Variants in MTOR observed in about 807,000 individuals in gnomAD.
The protein encoded by MTOR is mechanistic target of rapamycin kinase, also known as serine/threonine-protein kinase mTOR.
In MTOR, 70 loss-of-function variants were observed where a neutral mutation model predicts 319.8. That is an observed-to-expected ratio of 0.22 (90% CI 0.18 to 0.27). MTOR has a LOEUF of 0.27. Ranked by LOEUF, MTOR falls within the 10% of genes least tolerant of loss-of-function variation. MTOR has a pLI of 1.00. For missense variants in MTOR, 1,890 were observed against 3,274.4 expected (o/e 0.58, Z 10.32); for synonymous variants, 1,183 against 1,211.4 (o/e 0.98, Z 0.49).
chr1:11,112,533 T>C (rs1016742303), intron 54 of MTOR, among the ~76,000 whole-genome samples: 2 of 152,216 alleles, frequency 1.3e-5, no homozygotes, highest in African/African-American at 4.8e-5. Context: ...TGCAAAACTA[T>C]CACTGTCAAG....
intron 1 of MTOR, among the ~76,000 whole-genome samples, chr1:11,260,181 A>C (rs1389263989): frequency 6.6e-6 from 1 of 152,184 alleles, no homozygotes; most frequent in African/African-American, 2.4e-5. Context: ...ATTAAAAATG[A>C]CTAAGACTGC....
chr1:11,183,776 A>G (rs7540001), intron 28 of MTOR, among the ~76,000 whole-genome samples: 4,237 of 152,210 alleles, frequency 0.028, 173 homozygotes, highest in African/African-American at 0.095. Context: ...GGTGTGAGGT[A>G]ACGATCAACA....
intron 28 of MTOR, among the ~76,000 whole-genome samples, chr1:11,168,922 C>A (rs575593267): frequency 6.6e-6 from 1 of 152,052 alleles, no homozygotes; most frequent in Non-Finnish European, 1.5e-5. Context: ...GAGAAATCCA[C>A]AAGACCACAA....
At chr1:11,153,125 A>AT (rs1644203486) in intron 30 of MTOR, among the ~76,000 whole-genome samples, 1 of 152,198 alleles carries the variant, frequency 6.6e-6, no homozygotes, top group African/African-American at 2.4e-5. Flanking sequence ...AATGTATCCA[A>AT]TCTGCTCCTA....
At chr1:11,181,028 G>A (rs912121960) in intron 28 of MTOR, among the ~76,000 whole-genome samples, 2 of 152,162 alleles carry the variant, frequency 1.3e-5, no homozygotes, top group Admixed American at 1.3e-4. Flanking sequence ...GCCCGTCTTG[G>A]CCTCCCAAAG....
intron 26 of MTOR, 92 bp downstream of exon 26, chr1:11,204,469 C>G (rs2100764296): frequency 7.0e-7 from 1 of 1,435,264 alleles, no homozygotes; most frequent in Non-Finnish European, 9.3e-7. Context: ...ATTAAAAATA[C>G]CAGCCCCTTG....
chr1:11,142,739 C>T (rs1281618143), intron 34 of MTOR, among the ~76,000 whole-genome samples: 1 of 152,180 alleles, frequency 6.6e-6, no homozygotes, highest in Non-Finnish European at 1.5e-5. Context: ...CGACAATGAT[C>T]TCAGGCTTTT....
intron 9 of MTOR, among the ~76,000 whole-genome samples, chr1:11,242,500 C>CAAAAAAAAAAA (rs70977555): frequency 4.6e-4 from 24 of 52,620 alleles, no homozygotes; most frequent in African/African-American, 8.6e-4. Flanking sequence ...GACTCCATCT[C>CAAAAAAAAAAA]AAAAAAAAAA....
rs1180400310 is a variant in MTOR, at chr1:11,112,845, C to T, written c.7366+7G>A. 2 of 1,614,170 alleles carry T rather than the reference C, an allele frequency of 1.2e-6. No homozygotes were observed. Among genetic ancestry groups the T allele is most frequent in the South Asian group, 2.2e-5 (2 of 91,084 alleles). On this transcript the variant is annotated splice_region_variant and intron_variant, in intron 54 of 57. Transcript: ENST00000361445. ...GAGCCTTTGCGACCTCCCGTGGATG[C>T]ACCTACCGACTGACTGGCCAGCAGA...
chr1:11,144,110 C>A (rs1643839762), intron 34 of MTOR: 2 of 152,996 alleles, frequency 1.3e-5, no homozygotes, highest in African/African-American at 4.8e-5. Flanking sequence ...CTATAAATAG[C>A]AGGAGTTGGC....
At chr1:11,178,800 G>A (rs1274323595) in intron 28 of MTOR, among the ~76,000 whole-genome samples, 1 of 152,200 alleles carries the variant, frequency 6.6e-6, no homozygotes, top group East Asian at 1.9e-4. Context: ...GATATTTTGG[G>A]TAAAGTCCTG....
At position 11,189,808 on chromosome 1, in the gene MTOR, G is replaced by A. The variant is rs775409689; in HGVS notation, c.4253+9450C>T. 6.2e-6 allele frequency: 10 copies of A among 1,614,094 alleles called. No individual in the cohort carries two copies. In the East Asian group the frequency reaches 6.7e-5, roughly 11 times the overall value. ...GAAGCAGGAGAGGGACTGGGTCAGC[G>A]TGGTCATGCAGGTGATGGAGCTGGA... On this transcript the variant is annotated intron_variant, in intron 28 of 57. Transcript: ENST00000361445.
At chr1:11,160,142 T>C (rs1571027399) in intron 29 of MTOR, among the ~76,000 whole-genome samples, 1 of 151,320 alleles carries the variant, frequency 6.6e-6, no homozygotes, top group African/African-American at 2.4e-5. Flanking sequence ...CTCTTGTTGC[T>C]CAGGCTGGAG....
Position 11,237,974 on chromosome 1 carries a change from A to C in MTOR, c.2077T>G (p.Leu693Val). The C allele has an allele frequency of 6.2e-7, 1 of 1,614,212 alleles. No homozygotes were observed. The highest frequency in any genetic ancestry group is 2.2e-5 in the East Asian group (1 of 44,880). ...FDAHLAQAEN[L>V]QALFVALNDQ... The stretch of plus-strand genomic sequence containing the variant: ...TTCAGAGCCACAAACAAGGCCTGCA[A>C]GTTCTCCGCCTGGGCCAGGTGTGCA... The change falls in exon 13 of 58, where the codon TTG becomes GTG. Residue 693 changes from leucine (L) to valine (V), a missense_variant. Transcript: ENST00000361445.
rs74397624 is a variant in MTOR at position 11,253,325 on chromosome 1, G to A, written c.840+514C>T. 5.4e-3 allele frequency among the ~76,000 whole-genome samples: 825 copies of A among 152,218 alleles called. 9 individuals carry two copies. Among genetic ancestry groups the A allele is most frequent in the African/African-American group, 0.018 (753 of 41,528 alleles). On this transcript the variant is annotated intron_variant, in intron 6 of 57. Coordinates refer to ENST00000361445, the MANE Select transcript of MTOR (RefSeq NM_004958.4). Reference sequence around the variant, plus strand: ...TTCCCCACATTTTTTCCTATAAGCAGTCAGTGATTGTTAGAAACGCATGAC... The same window carrying A: ...TTCCCCACATTTTTTCCTATAAGCAATCAGTGATTGTTAGAAACGCATGAC...
At chr1:11,204,751 A>T (rs1212773499) in intron 25 of MTOR, 48 bp from the exon 26 acceptor site, 107 of 1,580,020 alleles carry the variant, frequency 6.8e-5, no homozygotes, top group Non-Finnish European at 9.1e-5. Flanking sequence ...TCAAGGGCCA[A>T]TTGAAAAAAG....
chr1:11,112,428 A>G lies in MTOR; in HGVS notation c.7366+424T>C, dbSNP rs3753238. Reference sequence around the variant, plus strand: ...GTGTGAAACAGTAAATAAAAAACATATTAGCTGCTTGGTGCTCAGTAAATA... The same window carrying G: ...GTGTGAAACAGTAAATAAAAAACATGTTAGCTGCTTGGTGCTCAGTAAATA... On this transcript the variant is annotated intron_variant, in intron 54 of 57. Transcript: ENST00000361445. 1.4e-3 allele frequency among the ~76,000 whole-genome samples: 215 copies of G among 152,344 alleles called. 5 individuals carry two copies. In the East Asian group the frequency reaches 0.029, roughly 21 times the overall value.
At chr1:11,240,637 G>A (rs1004380539) in intron 10 of MTOR, 90 bp from the exon 11 acceptor site, 13 of 1,485,852 alleles carry the variant, frequency 8.7e-6, no homozygotes, top group Non-Finnish European at 1.2e-5. Context: ...CCAGCAAGGG[G>A]ATCAGGCCTC....
chr1:11,146,333 T>A (rs1251156891), intron 32 of MTOR, among the ~76,000 whole-genome samples: 2 of 152,220 alleles, frequency 1.3e-5, no homozygotes, highest in African/African-American at 2.4e-5. Context: ...TGTGACTGAT[T>A]TCTGCTGCAC....
Sources: gnomAD v4.1 joint callset for allele counts (sites outside exome capture counted in the v4.1 genomes callset) on GRCh38, gnomAD v4.1.1 for gene constraint, MANE v1.5 for transcripts, NCBI Gene and HGNC (gene_info 2026-07-23, HGNC 2026-07-21) for gene names.